The following NRG3 variants were observed in gnomAD, a reference collection of about 807,000 sequenced individuals.
NRG3 encodes pro-neuregulin-3, membrane-bound isoform.
Under a neutral mutation model 66.9 loss-of-function variants are expected in NRG3, and 31 were observed. The ratio of observed to expected loss-of-function variants is 0.46; its 90% confidence interval spans 0.35 to 0.63. The LOEUF (loss-of-function observed/expected upper bound fraction) is 0.63, where lower values mean the gene tolerates loss of function less well. Ranked by LOEUF, NRG3 falls within the 20% of genes least tolerant of loss-of-function variation. NRG3 has a pLI of 0.00. For synonymous variants in NRG3, 393 were observed against 359.4 expected (o/e 1.09, Z -1.06); for missense variants, 910 against 878.9 (o/e 1.04, Z -0.45).
intron 2 of NRG3, among the ~76,000 whole-genome samples, chr10:82,412,362 A>G (rs2088160140): frequency 6.6e-6 from 1 of 152,210 alleles, no homozygotes; most frequent in South Asian, 2.1e-4. Context: ...GTGCATATAC[A>G]AGTTATGTTT....
intron 3 of NRG3, among the ~76,000 whole-genome samples, chr10:82,775,587 T>G (rs1479904857): frequency 6.6e-6 from 1 of 152,162 alleles, no homozygotes; most frequent in African/African-American, 2.4e-5. Context: ...CTGCTGTTGT[T>G]GTATGGAAAC....
intron 1 of NRG3, among the ~76,000 whole-genome samples, chr10:82,131,257 A>G (rs1186720869): frequency 1.3e-5 from 2 of 152,130 alleles, no homozygotes; most frequent in African/African-American, 2.4e-5. Flanking sequence ...ATTGTTCTGC[A>G]TATGGATATC....
chr10:82,233,189 T>C (rs1629141), intron 1 of NRG3, among the ~76,000 whole-genome samples: 1 of 151,754 alleles, frequency 6.6e-6, no homozygotes, highest in Admixed American at 6.6e-5. Flanking sequence ...ACGGTGAAAC[T>C]CCGTCTCTAC....
At chr10:82,191,046 C>G (rs1277566242) in intron 1 of NRG3, among the ~76,000 whole-genome samples, 1 of 152,102 alleles carries the variant, frequency 6.6e-6, no homozygotes, top group African/African-American at 2.4e-5. Flanking sequence ...ATGTCACCCC[C>G]AGTCACTGCC....
At chr10:82,905,062 C>T (rs1448559074) in intron 4 of NRG3, among the ~76,000 whole-genome samples, 1 of 152,100 alleles carries the variant, frequency 6.6e-6, no homozygotes, top group African/African-American at 2.4e-5. Context: ...TGAGTTCATA[C>T]TTTGGCTTGA....
chr10:82,216,496 C>A (rs12250787), intron 1 of NRG3, among the ~76,000 whole-genome samples: 60,647 of 143,714 alleles, frequency 0.42, 14,401 homozygotes, highest in African/African-American at 0.67. Flanking sequence ...GTGTCTCTAT[C>A]TATACATATA....
At chr10:81,938,947 G>T (rs1046247176) in intron 1 of NRG3, among the ~76,000 whole-genome samples, 2 of 151,868 alleles carry the variant, frequency 1.3e-5, no homozygotes, top group East Asian at 1.9e-4. Flanking sequence ...TTCCTAGTTT[G>T]TTGAGCGTTT....
At chr10:82,071,640 C>G (rs570075315) in intron 1 of NRG3, among the ~76,000 whole-genome samples, 2 of 152,028 alleles carry the variant, frequency 1.3e-5, no homozygotes, top group Non-Finnish European at 2.9e-5. Flanking sequence ...TGTGAGGATG[C>G]GGGCTTTTTA....
At chr10:82,419,885 G>A (rs556669587) in intron 2 of NRG3, among the ~76,000 whole-genome samples, 6 of 152,086 alleles carry the variant, frequency 3.9e-5, no homozygotes, top group Non-Finnish European at 8.8e-5. Context: ...TTTGTGTGAA[G>A]CAGTTTATAT....
intron 2 of NRG3, among the ~76,000 whole-genome samples, chr10:82,410,187 T>G (rs2136143713): frequency 6.6e-6 from 1 of 152,216 alleles, no homozygotes; most frequent in African/African-American, 2.4e-5. Flanking sequence ...TTCTTAATGA[T>G]TTGTGGTCAT....
intron 1 of NRG3, among the ~76,000 whole-genome samples, chr10:82,190,330 A>G (rs1369588044): frequency 1.3e-5 from 2 of 152,170 alleles, no homozygotes; most frequent in Admixed American, 6.5e-5. Context: ...CAGTCCCATA[A>G]TAAGAATTAA....
intron 1 of NRG3, among the ~76,000 whole-genome samples, chr10:82,307,155 G>A (rs1476351849): frequency 6.6e-6 from 1 of 151,858 alleles, no homozygotes; most frequent in Non-Finnish European, 1.5e-5. Context: ...CTATTAAAGG[G>A]CAAATGTTTT....
chr10:82,024,202 C>T (rs2132792133), intron 1 of NRG3, among the ~76,000 whole-genome samples: 1 of 151,878 alleles, frequency 6.6e-6, no homozygotes, highest in Non-Finnish European at 1.5e-5. Context: ...TTAGTATCTC[C>T]CCTTTTCCTC....
intron 3 of NRG3, among the ~76,000 whole-genome samples, chr10:82,751,080 G>C (rs992186463): frequency 2.0e-5 from 3 of 152,070 alleles, no homozygotes; most frequent in Admixed American, 6.6e-5. Flanking sequence ...TGATTTGTTT[G>C]ATATGTGGAT....
At chr10:82,672,893 G>A (rs779661721) in intron 2 of NRG3, among the ~76,000 whole-genome samples, 6 of 152,164 alleles carry the variant, frequency 3.9e-5, no homozygotes, top group Admixed American at 1.3e-4. Flanking sequence ...GGGATTACAG[G>A]CATGCACCAC....
intron 2 of NRG3, among the ~76,000 whole-genome samples, chr10:82,468,756 C>A (rs2132033561): frequency 6.6e-6 from 1 of 152,032 alleles, no homozygotes. Context: ...ATGGAATCTT[C>A]AGTGTGATTT....
intron 2 of NRG3, among the ~76,000 whole-genome samples, chr10:82,382,049 C>T (rs4369338): frequency 0.43 from 65,820 of 151,920 alleles, 18,354 homozygotes; most frequent in African/African-American, 0.79. Context: ...TTCACTGTTA[C>T]ACTTTATCCA....
At chr10:82,505,235 A>G (rs1478896754) in intron 2 of NRG3, among the ~76,000 whole-genome samples, 1 of 152,234 alleles carries the variant, frequency 6.6e-6, no homozygotes, top group African/African-American at 2.4e-5. Context: ...TGTCAGGCAT[A>G]ATACAAGAGT....
chr10:82,017,041 C>T (rs771219409), intron 1 of NRG3, among the ~76,000 whole-genome samples: 3 of 152,122 alleles, frequency 2.0e-5, no homozygotes, highest in Non-Finnish European at 4.4e-5. Flanking sequence ...TCCATTAACT[C>T]GTAATTTACA....
Sources: gnomAD v4.1 joint callset for allele counts (sites outside exome capture counted in the v4.1 genomes callset) on GRCh38, gnomAD v4.1.1 for gene constraint, MANE v1.5 for transcripts, NCBI Gene and HGNC (gene_info 2026-07-23, HGNC 2026-07-21) for gene names.